GLRA2: variants seen among roughly 807,000 people sequenced by gnomAD.
GLRA2 encodes glycine receptor alpha 2, also known as glycine receptor subunit alpha-2.
Under a neutral mutation model 31.6 loss-of-function variants are expected in GLRA2, and 11 were observed. The ratio of observed to expected loss-of-function variants is 0.35; its 90% CI spans 0.22 to 0.58. The LOEUF (loss-of-function observed/expected upper bound fraction) is 0.58. GLRA2 is among the 20% of genes least tolerant of loss of function. GLRA2 has a pLI of 0.84. For missense variants in GLRA2, 212 were observed against 351.8 expected, an observed-to-expected ratio of 0.60 and a Z score of 3.18; for synonymous variants, 132 against 134.0, an observed-to-expected ratio of 0.99 and a Z score of 0.10.
the GLRA2 span, among the ~76,000 whole-genome samples, chrX:14,518,160 T>C: frequency 2.7e-5 from 3 of 112,052 alleles, no homozygotes; most frequent in South Asian, 1.1e-3. Flanking sequence ...AGTGAGATAC[T>C]ATTTAACATT....
the GLRA2 span, among the ~76,000 whole-genome samples, chrX:14,479,370 T>C: frequency 8.9e-6 from 1 of 111,892 alleles, no homozygotes; most frequent in East Asian, 2.8e-4. Flanking sequence ...TCAATGGATC[T>C]TTTGGCTTTA....
At chrX:14,636,764 G>A (rs2090714185) in intron 7 of GLRA2, among the ~76,000 whole-genome samples, 1 of 112,019 alleles carries the variant, frequency 8.9e-6, no homozygotes, top group South Asian at 3.7e-4. Context: ...TGCGGTTTAT[G>A]AAAACTGTAT....
intron 8 of GLRA2, among the ~76,000 whole-genome samples, chrX:14,707,784 G>A (rs6653818): frequency 0.21 from 23,119 of 107,955 alleles, 2,178 homozygotes; most frequent in Non-Finnish European, 0.3. Context: ...GCACGCGCGC[G>A]TGTTGCATGC....
intron 7 of GLRA2, among the ~76,000 whole-genome samples, chrX:14,643,322 T>A (rs1268908304): frequency 8.9e-6 from 1 of 111,793 alleles, no homozygotes; most frequent in Non-Finnish European, 1.9e-5. Context: ...ACATGGGTGT[T>A]GCTTTACACC....
At chrX:14,659,470 G>C (rs181074515) in intron 7 of GLRA2, among the ~76,000 whole-genome samples, 27,753 of 111,140 alleles carry the variant, frequency 0.25, 2,697 homozygotes, top group Non-Finnish European at 0.31. Flanking sequence ...GAAATTAACA[G>C]CTTTTGAATC....
chrX:14,528,423 T>C (rs995567643), upstream of GLRA2, among the ~76,000 whole-genome samples: 20 of 112,163 alleles, frequency 1.8e-4, no homozygotes, highest in African/African-American at 6.2e-4. Context: ...GTAAAGCACA[T>C]AGGTGACTAA....
chrX:14,601,289 G>A (rs910123736), intron 4 of GLRA2, among the ~76,000 whole-genome samples: 8 of 111,329 alleles, frequency 7.2e-5, no homozygotes, highest in African/African-American at 2.0e-4. Flanking sequence ...AATAGCCCAC[G>A]GAAGGTAGCT....
intron 8 of GLRA2, among the ~76,000 whole-genome samples, chrX:14,700,024 T>TA (rs2091516291): frequency 9.0e-6 from 1 of 110,943 alleles, no homozygotes. Flanking sequence ...AACTAATGGG[T>TA]ACTAGGCTTA....
chrX:14,458,817 C>T, the GLRA2 span, among the ~76,000 whole-genome samples: 5,440 of 111,183 alleles, frequency 0.049, 336 homozygotes, highest in African/African-American at 0.17. Context: ...TCCCATTCTG[C>T]AGGTTGCCTG....
At chrX:14,458,028 C>T in the GLRA2 span, among the ~76,000 whole-genome samples, 3 of 109,961 alleles carry the variant, frequency 2.7e-5, no homozygotes, top group Non-Finnish European at 5.7e-5. Flanking sequence ...TCCCCCTCCC[C>T]ACCCCACAAC....
At chrX:14,631,444 G>A (rs1210717862) in intron 7 of GLRA2, among the ~76,000 whole-genome samples, 2 of 111,016 alleles carry the variant, frequency 1.8e-5, no homozygotes, top group African/African-American at 3.3e-5. Flanking sequence ...TTCTTTGTAT[G>A]CCTGGTAACT....
intron 8 of GLRA2, among the ~76,000 whole-genome samples, chrX:14,712,388 C>T (rs2091724277): frequency 9.0e-6 from 1 of 111,684 alleles, no homozygotes; most frequent in South Asian, 3.7e-4. Context: ...GAGAATCACT[C>T]GTCTACATGT....
chrX:14,526,246 G>A (rs2146993418), upstream of GLRA2, among the ~76,000 whole-genome samples: 1 of 112,866 alleles, frequency 8.9e-6, no homozygotes, highest in South Asian at 3.6e-4. Context: ...GAAGAAATGA[G>A]ATGATTAGTG....
At chrX:14,609,293 C>T (rs1252527996) in intron 7 of GLRA2, 88 bp downstream of exon 7, 2 of 548,199 alleles carry the variant, frequency 3.6e-6, no homozygotes, top group Non-Finnish European at 6.1e-6. Flanking sequence ...GAAATGTTGG[C>T]CACCCTATGA....
chrX:14,539,128 A>G (rs1180402008), intron 2 of GLRA2, among the ~76,000 whole-genome samples: 5 of 111,263 alleles, frequency 4.5e-5, no homozygotes, highest in Non-Finnish European at 7.6e-5. Flanking sequence ...TTGGTGCTCA[A>G]TGAATGGACA....
intron 7 of GLRA2, among the ~76,000 whole-genome samples, chrX:14,681,910 A>AAAATATATATATATAT (rs758563376): frequency 4.8e-5 from 2 of 41,280 alleles, no homozygotes; most frequent in African/African-American, 2.4e-4. Flanking sequence ...AAAAAAAAAA[A>AAAATATATATATATAT]ATATATATAT....
At chrX:14,604,509 C>A (rs1044810352) in intron 5 of GLRA2, 112 bp downstream of exon 5, 2 of 402,679 alleles carry the variant, frequency 5.0e-6, no homozygotes, top group Non-Finnish European at 8.7e-6. Flanking sequence ...ATATACTGAC[C>A]AACCCCCAAC....
chrX:14,663,572 A>T lies in GLRA2; in HGVS notation c.931-27138A>T, dbSNP rs1015572507. Reference sequence around the variant, plus strand: ...ACTGAAGACAAGTCTCACTTAGGAAAATGGATGTAAAAATGCTATGTAGCA... The same window carrying T: ...ACTGAAGACAAGTCTCACTTAGGAATATGGATGTAAAAATGCTATGTAGCA... On this transcript the variant is annotated intron_variant, in intron 7 of 8. Coordinates refer to ENST00000218075, the MANE Select transcript of GLRA2 (RefSeq NM_002063.4). Among the ~76,000 whole-genome samples, 5 of 111,396 alleles carry T rather than the reference A, an allele frequency of 4.5e-5. No homozygotes were observed. In the East Asian group the frequency reaches 1.4e-3, roughly 31 times the overall value.
At chrX:14,534,399 A>G (rs191855138) in intron 2 of GLRA2, among the ~76,000 whole-genome samples, 7 of 110,547 alleles carry the variant, frequency 6.3e-5, no homozygotes, top group African/African-American at 2.3e-4. Flanking sequence ...CATAAAATTT[A>G]TTTACATAGA....
Sources: gnomAD v4.1 joint callset for allele counts (sites outside exome capture counted in the v4.1 genomes callset) on GRCh38, gnomAD v4.1.1 for gene constraint, MANE v1.5 for transcripts, NCBI Gene and HGNC (gene_info 2026-07-23, HGNC 2026-07-21) for gene names.